The following ABCC1 variants were observed in gnomAD, a reference collection of about 807,000 sequenced individuals.
The protein encoded by ABCC1 is multidrug resistance-associated protein 1.
A neutral mutation model predicts 172.9 loss-of-function variants in ABCC1; 83 were observed. That is an observed-to-expected ratio of 0.48 (90% CI 0.40 to 0.58). The LOEUF (loss-of-function observed/expected upper bound fraction) is 0.58, where lower values mean the gene tolerates loss of function less well. ABCC1 is among the 20% of genes least tolerant of loss of function. ABCC1 has a pLI of 0.00. For synonymous variants in ABCC1, 937 were observed against 825.2 expected (o/e 1.14, Z -2.32); for missense variants, 1,817 against 2,002.7 (o/e 0.91, Z 1.77).
chr16:15,967,597 T>TAA (rs750583408), intron 1 of ABCC1, among the ~76,000 whole-genome samples: 21,847 of 145,886 alleles, frequency 0.15, 1,858 homozygotes, highest in Non-Finnish European at 0.19. Context: ...ATAATAATAA[T>TAA]TATTATTATT....
At chr16:16,107,751 G>A (rs4148371) in intron 21 of ABCC1, among the ~76,000 whole-genome samples, 34,902 of 151,880 alleles carry the variant, frequency 0.23, 4,146 homozygotes, top group South Asian at 0.34. Context: ...TCTATTTTGG[G>A]CAAGTGTTAA....
At chr16:15,954,971 G>A (rs74011326) in intron 1 of ABCC1, among the ~76,000 whole-genome samples, 2,371 of 152,140 alleles carry the variant, frequency 0.016, 47 homozygotes, top group African/African-American at 0.053. Context: ...TCAGCAAATC[G>A]TGTTGCCCGT....
At chr16:16,128,755 TTGA>T (rs2045551693) in intron 26 of ABCC1, among the ~76,000 whole-genome samples, 1 of 152,170 alleles carries the variant, frequency 6.6e-6, no homozygotes, top group African/African-American at 2.4e-5. Context: ...TCCCAGCACT[TTGA>T]GAGGCCAAGG....
chr16:16,132,506 G>GTTTTTTT (rs1567441293), intron 27 of ABCC1, among the ~76,000 whole-genome samples: 9 of 100,966 alleles, frequency 8.9e-5, no homozygotes, highest in African/African-American at 2.1e-4. Context: ...TTTTTTGGTT[G>GTTTTTTT]GTTGTTTTTT....
intron 19 of ABCC1, among the ~76,000 whole-genome samples, chr16:16,102,042 C>T (rs989980579): frequency 6.6e-6 from 1 of 152,110 alleles, no homozygotes; most frequent in Non-Finnish European, 1.5e-5. Flanking sequence ...TGTTGAAATA[C>T]TTTATTACTG....
chr16:16,114,792 G>C lies in ABCC1; in HGVS notation c.3106G>C (p.Ala1036Pro), dbSNP rs780471010. 1.1e-5 allele frequency: 18 copies of C among 1,605,490 alleles called. No homozygotes were observed. The highest frequency in any genetic ancestry group is 1.4e-5 in the Non-Finnish European group (17 of 1,172,812). Residue 1036 changes from alanine (A) to proline (P), a missense_variant, in exon 23 of 31, where the codon GCC becomes CCC. By Grantham distance (27) the Ala-to-Pro change is conservative (BLOSUM62 -1). Around this residue, in one of 3 missense-constraint regions of ABCC1, gnomAD observed 1,412 missense variants for 1,600.3 expected, o/e 0.88. Transcript: ENST00000399410. ...QGIAVFGYSM[A>P]VSIGGILASR... ...GATCGCCGTGTTTGGCTACTCCATGGCCGTGTCCATCGGGGGGATCTTGGC... is the reference window on the plus strand; with the variant it reads ...GATCGCCGTGTTTGGCTACTCCATGCCCGTGTCCATCGGGGGGATCTTGGC...
chr16:15,956,226 G>A (rs1024521984), intron 1 of ABCC1, among the ~76,000 whole-genome samples: 4 of 152,060 alleles, frequency 2.6e-5, no homozygotes, highest in African/African-American at 9.7e-5. Context: ...TTAGCTGGGT[G>A]TGGTGGCGGG....
chr16:16,008,626 G>A (rs1432068742), intron 2 of ABCC1, among the ~76,000 whole-genome samples: 5 of 151,648 alleles, frequency 3.3e-5, no homozygotes, highest in South Asian at 2.1e-4. Flanking sequence ...AGGCCAAGGC[G>A]GGCAGGTCAG....
chr16:15,987,867 G>A (rs1246318256), intron 1 of ABCC1, among the ~76,000 whole-genome samples: 2 of 152,100 alleles, frequency 1.3e-5, no homozygotes, highest in East Asian at 3.9e-4. Context: ...CTGACTTCAG[G>A]ACCTTTGCAC....
chr16:16,036,640 G>A (rs1295059539), intron 7 of ABCC1, 37 bp downstream of exon 7: 5 of 1,607,286 alleles, frequency 3.1e-6, no homozygotes, highest in East Asian at 2.2e-5. Context: ...GGATGCCCTG[G>A]TCACCTCCTT....
intron 13 of ABCC1, among the ~76,000 whole-genome samples, chr16:16,070,098 T>C (rs1448812716): frequency 2.6e-5 from 4 of 152,104 alleles, no homozygotes; most frequent in Non-Finnish European, 4.4e-5. Context: ...TCGGCATTTT[T>C]TGGCTGGGCG....
In ABCC1 at chr16:16,106,920, C is replaced by T. The variant is rs548634729; in HGVS notation, c.2871+47C>T. On this transcript the variant is annotated intron_variant, in intron 21 of 30. Coordinates refer to ENST00000399410, the MANE Select transcript of ABCC1 (RefSeq NM_004996.4). ...ATGACAGTGGCTGGAGTTTATAGAG[C>T]GCCCACTGTGCACTGGGCACTGTGC... 3.4e-4 allele frequency: 553 copies of T among 1,611,104 alleles called. 5 individuals are homozygous for T. In the South Asian group the frequency reaches 4.1e-3, roughly 12 times the overall value.
chr16:16,132,363 G>T (rs968981901), intron 27 of ABCC1, among the ~76,000 whole-genome samples: 1 of 150,678 alleles, frequency 6.6e-6, no homozygotes, highest in Admixed American at 6.6e-5. Context: ...TGTAGAGATG[G>T]GGGTCCTACT....
chr16:16,076,378 G>A lies in ABCC1; in HGVS notation c.1965G>A (p.Arg655=), dbSNP rs2050571318. Residue 655 remains arginine, a synonymous_variant, in exon 15 of 31, where the codon AGG becomes AGA. Transcript: ENST00000399410. ...GGAATGCCACATTCACCTGGGCCAG[G>A]AGCGACCCTCCCACACTGAATGGGT... ...TVRNATFTWA[R]SDPPTLNGIT... The A allele has an allele frequency of 1.2e-6, 2 of 1,611,344 alleles. No individual in the cohort carries two copies. Among genetic ancestry groups the A allele is most frequent in the Admixed American group, 3.4e-5 (2 of 59,528 alleles).
rs897135018 is a variant in ABCC1, at chr16:16,131,774, T to C, written c.3820-15T>C. ...ACTGGAAATTCCTTACTCTCTCCCT[T>C]CACTGCGATCGAAGGCGCCCTGGCA... On this transcript the variant is annotated splice_polypyrimidine_tract_variant and intron_variant, in intron 26 of 30. Transcript: ENST00000399410. The C allele has an allele frequency of 6.2e-7, 1 of 1,610,426 alleles. No individual in the cohort carries two copies. The highest frequency in any genetic ancestry group is 1.3e-5 in the African/African-American group (1 of 74,802).
intron 6 of ABCC1, among the ~76,000 whole-genome samples, chr16:16,034,466 A>C (rs992133529): frequency 6.6e-6 from 1 of 152,116 alleles, no homozygotes; most frequent in Non-Finnish European, 1.5e-5. Context: ...CATGCTAATA[A>C]CATTCATTCT....
At chr16:16,104,727 C>T (rs948802559) in intron 20 of ABCC1, among the ~76,000 whole-genome samples, 21 of 152,284 alleles carry the variant, frequency 1.4e-4, no homozygotes, top group South Asian at 4.1e-4. Context: ...GGGCGGCACT[C>T]GTCCGGGAGG....
At chr16:16,051,578 C>G (rs1041607298) in intron 10 of ABCC1, among the ~76,000 whole-genome samples, 2 of 152,106 alleles carry the variant, frequency 1.3e-5, no homozygotes, top group African/African-American at 2.4e-5. Context: ...CCAGCAGAGT[C>G]ACAGGTTCAC....
At chr16:15,998,576 AT>A (rs1312924927) in intron 1 of ABCC1, among the ~76,000 whole-genome samples, 3 of 152,100 alleles carry the variant, frequency 2.0e-5, no homozygotes, top group African/African-American at 7.2e-5. Flanking sequence ...TCCTCTCGTC[AT>A]GCCTTCCTTC....
Sources: gnomAD v4.1 joint callset for allele counts (sites outside exome capture counted in the v4.1 genomes callset) on GRCh38, gnomAD v4.1.1 for gene constraint, gnomAD v4.1.1 regional missense constraint, MANE v1.5 for transcripts, NCBI Gene and HGNC (gene_info 2026-07-23, HGNC 2026-07-21) for gene names.